RGS5: variants seen among roughly 807,000 people sequenced by gnomAD.
RGS5 encodes regulator of G protein signaling 5, also known as regulator of G-protein signalling 5.
Under a neutral mutation model 18.9 loss-of-function variants are expected in RGS5, and 20 were observed. The observed-to-expected ratio is 1.06, with a 90% confidence interval of 0.74 to 1.54. The LOEUF (loss-of-function observed/expected upper bound fraction) is 1.54. Ranked by LOEUF, RGS5 falls within the 40% of genes most tolerant of loss-of-function variation. The pLI, the probability that RGS5 is intolerant of heterozygous loss-of-function variation, is 0.00. For missense variants in RGS5, 201 were observed against 211.8 expected, an observed-to-expected ratio of 0.95 and a Z score of 0.32; for synonymous variants, 57 against 76.2, an observed-to-expected ratio of 0.75 and a Z score of 1.31.
At chr1:163,260,858 CA>C (rs2101705418) in intron 2 of RGS5, among the ~76,000 whole-genome samples, 1 of 152,252 alleles carries the variant, frequency 6.6e-6, no homozygotes, top group Non-Finnish European at 1.5e-5. Flanking sequence ...GATGTGTCCT[CA>C]AAAACTAAGT....
At chr1:163,228,666 T>C (rs1647395342) in intron 2 of RGS5, among the ~76,000 whole-genome samples, 1 of 152,156 alleles carries the variant, frequency 6.6e-6, no homozygotes, top group Non-Finnish European at 1.5e-5. Flanking sequence ...CCCCAGAAAA[T>C]GGGTTTTTCT....
chr1:163,218,863 A>T (rs1442628528), upstream of RGS5, among the ~76,000 whole-genome samples: 1 of 152,180 alleles, frequency 6.6e-6, no homozygotes, highest in African/African-American at 2.4e-5. Flanking sequence ...GAAGAAATGT[A>T]TGTATTGTGA....
In RGS5 at chr1:163,275,307, A is replaced by G. The variant is rs1356359875; in HGVS notation, c.-281+30926T>C. On this transcript the variant is annotated intron_variant, in intron 2 of 5. Transcript: ENST00000618415. ...CCTAGGACATTCAATAAATCTTCTT[A>G]GTGCCCCCAGGTTTAGCTCATGTCC... Among the ~76,000 whole-genome samples the G allele has an allele frequency of 2.2e-3, 333 of 152,222 alleles. 1 individual carries two copies. The highest frequency in any genetic ancestry group is 7.9e-3 in the African/African-American group (327 of 41,554).
At chr1:163,178,171 C>T (rs867801826) in intron 1 of RGS5, among the ~76,000 whole-genome samples, 2 of 151,988 alleles carry the variant, frequency 1.3e-5, no homozygotes, top group African/African-American at 2.4e-5. Context: ...ATTAGCCAGG[C>T]GTGGTGGTAC....
chr1:163,262,957 G>T (rs1287740700), intron 2 of RGS5, among the ~76,000 whole-genome samples: 2 of 152,084 alleles, frequency 1.3e-5, no homozygotes, highest in African/African-American at 4.8e-5. Context: ...GGGCATGGAG[G>T]TGCAATTAAT....
At chr1:163,240,429 GA>G (rs547057880) in intron 2 of RGS5, among the ~76,000 whole-genome samples, 2,389 of 143,150 alleles carry the variant, frequency 0.017, 49 homozygotes, top group African/African-American at 0.045. Flanking sequence ...TCATGGTGGG[GA>G]AAAAAAAAAA....
At chr1:163,159,070 C>T (rs753136469) in intron 3 of RGS5, among the ~76,000 whole-genome samples, 17 of 152,336 alleles carry the variant, frequency 1.1e-4, no homozygotes, top group Admixed American at 3.3e-4. Flanking sequence ...CTGTTCCACC[C>T]GGCTCACCGG....
chr1:163,247,861 C>T (rs1301132147), intron 2 of RGS5, among the ~76,000 whole-genome samples: 1 of 152,090 alleles, frequency 6.6e-6, no homozygotes, highest in Non-Finnish European at 1.5e-5. Flanking sequence ...CCTAGCATAA[C>T]GTTGGCCCAT....
chr1:163,297,210 C>T (rs192824358), intron 2 of RGS5, among the ~76,000 whole-genome samples: 1 of 152,236 alleles, frequency 6.6e-6, no homozygotes, highest in Non-Finnish European at 1.5e-5. Context: ...GAGCTGACTA[C>T]AAAGAGACAA....
At chr1:163,162,090 C>T (rs1406309948) in intron 2 of RGS5, 114 bp from the exon 3 acceptor site, 19 of 767,122 alleles carry the variant, frequency 2.5e-5, no homozygotes, top group South Asian at 2.4e-4. Flanking sequence ...GACTGCTGGT[C>T]TATCCTCAGG....
upstream of RGS5, among the ~76,000 whole-genome samples, chr1:163,217,912 A>G (rs956384337): frequency 1.3e-5 from 2 of 152,192 alleles, no homozygotes; most frequent in Non-Finnish European, 2.9e-5. Flanking sequence ...TAAATCGCAG[A>G]ACTGATTGGA....
chr1:163,152,724 GAAAAA>G lies in RGS5; in HGVS notation c.218-13_218-9del. On this transcript the variant is annotated splice_polypyrimidine_tract_variant and intron_variant, in intron 3 of 4. Coordinates refer to ENST00000313961, the MANE Select transcript of RGS5 (RefSeq NM_003617.4). ...TGAAACTGGCAAGTCCATCTGGAAA[GAAAAA>G]AACAGTCAGCTGGAGAAATTTATTA... 6.4e-7 allele frequency: 1 copy of G among 1,562,456 alleles called. No individual in the cohort carries two copies. Among genetic ancestry groups the G allele is most frequent in the Non-Finnish European group, 8.6e-7 (1 of 1,159,998 alleles).
At chr1:163,219,129 A>AT (rs11419513), upstream of RGS5, among the ~76,000 whole-genome samples, 83,293 of 151,828 alleles carry the variant, frequency 0.55, 23,030 homozygotes, top group Non-Finnish European at 0.6. Context: ...TCGAGGTGTA[A>AT]ATGCATACAA....
chr1:163,162,720 T>G (rs1051025315), intron 2 of RGS5: 3 of 152,132 alleles, frequency 2.0e-5, no homozygotes, highest in Non-Finnish European at 4.4e-5. Context: ...CTGTTTCTAT[T>G]TTAACATTTA....
chr1:163,214,542 G>GAGAAA (rs1660175621), intron 1 of RGS5, among the ~76,000 whole-genome samples: 1 of 151,636 alleles, frequency 6.6e-6, no homozygotes, highest in Non-Finnish European at 1.5e-5. Flanking sequence ...CTTCCTTCGG[G>GAGAAA]CTCATTCTCC....
At chr1:163,204,146 TA>T, upstream of RGS5, among the ~76,000 whole-genome samples, 1 of 152,310 alleles carries the variant, frequency 6.6e-6, no homozygotes, top group South Asian at 2.1e-4. Context: ...TTTAATGTAA[TA>T]AATAGAATAG....
chr1:163,216,233 G>A (rs554444648), intron 1 of RGS5, among the ~76,000 whole-genome samples: 1 of 152,308 alleles, frequency 6.6e-6, no homozygotes, highest in African/African-American at 2.4e-5. Context: ...ATCGAAGGCT[G>A]CCAAGTGCAC....
At chr1:163,220,495 T>G (rs368916949), upstream of RGS5, among the ~76,000 whole-genome samples, 104 of 152,310 alleles carry the variant, frequency 6.8e-4, 2 homozygotes, top group South Asian at 0.021. Context: ...TTTTACATCT[T>G]TGACAGTTTC....
upstream of RGS5, among the ~76,000 whole-genome samples, chr1:163,221,524 A>C (rs10917701): frequency 0.017 from 1,662 of 96,098 alleles, 28 homozygotes; most frequent in African/African-American, 0.055. Context: ...ATCAATCAAT[A>C]AAATCTCCAT....
Sources: gnomAD v4.1 joint callset for allele counts (sites outside exome capture counted in the v4.1 genomes callset) on GRCh38, gnomAD v4.1.1 for gene constraint, MANE v1.5 for transcripts, NCBI Gene and HGNC (gene_info 2026-07-23, HGNC 2026-07-21) for gene names.